TRIM29: variants seen among roughly 807,000 people sequenced by gnomAD.
TRIM29 encodes the protein tripartite motif-containing protein 29.
Under a neutral mutation model 57.3 loss-of-function variants are expected in TRIM29, and 52 were observed. That is an observed-to-expected ratio of 0.91 (90% CI 0.73 to 1.14). The LOEUF (loss-of-function observed/expected upper bound fraction) is 1.14, where lower values mean the gene tolerates loss of function less well. TRIM29 is among the 50% of genes most tolerant of loss of function. TRIM29 has a pLI of 0.00. For synonymous variants in TRIM29, 319 were observed against 316.9 expected, an observed-to-expected ratio of 1.01 and a Z score of -0.07; for missense variants, 753 against 774.6, an observed-to-expected ratio of 0.97 and a Z score of 0.33.
At chr11:120,124,059 A>G (rs887579303) in intron 4 of TRIM29, 15 of 156,162 alleles carry the variant, frequency 9.6e-5, no homozygotes, top group Non-Finnish European at 1.7e-4. Flanking sequence ...AGCCACACGA[A>G]AAAACAACAC....
chr11:120,117,463 T>C, intron 7 of TRIM29: 1 of 154,834 alleles, frequency 6.5e-6, no homozygotes, highest in Admixed American at 6.3e-5. Context: ...GCATAGCCCC[T>C]TTCCCTCTCC....
rs1202021345 is a variant in TRIM29, at chr11:120,112,465, C to T, written c.1716G>A (p.Arg572=). 1 of 1,613,490 alleles carries T rather than the reference C, an allele frequency of 6.2e-7. No homozygotes were observed. Among genetic ancestry groups the T allele is most frequent in the Non-Finnish European group, 8.5e-7 (1 of 1,179,768 alleles). The change falls in exon 9 of 9, where the codon CGG becomes CGA. Residue 572 remains arginine (R), a synonymous_variant. Transcript: ENST00000341846. ...CGTTGCCTTTGTTGACGTAGAATGG[C>T]CGGTAGTGAGACTGTGGGGGAAACA... The part of the protein sequence containing the change: ...SGKQTMLSHY[R]PFYVNKGNGI...
At chr11:120,118,071 G>C in intron 7 of TRIM29, 152 bp downstream of exon 7, 1 of 709,378 alleles carries the variant, frequency 1.4e-6, no homozygotes, top group South Asian at 1.7e-5. Flanking sequence ...TTTCAGCAAA[G>C]ACCATGGCGG....
chr11:120,115,277 GC>G, intron 8 of TRIM29, 60 bp downstream of exon 8: 1 of 1,539,600 alleles, frequency 6.5e-7, no homozygotes. Context: ...CCTCCAGGGA[GC>G]CCCCTTCAGT....
intron 3 of TRIM29, 106 bp downstream of exon 3, chr11:120,127,230 C>G (rs527302075): frequency 1.1e-6 from 1 of 935,930 alleles, no homozygotes; most frequent in Non-Finnish European, 1.6e-6. Flanking sequence ...AACAGATAGA[C>G]GAATAGGTGG....
intron 1 of TRIM29, among the ~76,000 whole-genome samples, chr11:120,129,975 T>C (rs1363125132): frequency 6.6e-6 from 1 of 152,032 alleles, no homozygotes; most frequent in Non-Finnish European, 1.5e-5. Context: ...AGGATGGAGA[T>C]TTGGCCCCAT....
chr11:120,122,990 T>A lies in TRIM29; in HGVS notation c.1399A>T (p.Thr467Ser). Residue 467 changes from threonine (T) to serine (S), a missense_variant, in exon 5 of 9, where the codon ACC becomes TCC. Thr to Ser is a moderately conservative substitution (Grantham distance 58, BLOSUM62 1). Transcript: ENST00000341846. ...SFGGEWSAPDTMKRYSMYLTP... is the reference protein window; with the variant it reads ...SFGGEWSAPDSMKRYSMYLTP... ...AGGTACATGGAGTATCTCTTCATGG[T>A]GTCCGGTGCACTCCACTCACCCCCG... 6.2e-7 allele frequency: 1 copy of A among 1,614,056 alleles called. No homozygotes were observed. The highest frequency in any genetic ancestry group is 1.1e-5 in the South Asian group (1 of 91,070).
intron 8 of TRIM29, among the ~76,000 whole-genome samples, chr11:120,115,071 A>C (rs1188132188): frequency 1.3e-5 from 2 of 152,222 alleles, no homozygotes; most frequent in African/African-American, 4.8e-5. Context: ...GCATTTGCCA[A>C]ATAAAAAAAT....
At chr11:120,115,235 AG>A in intron 8 of TRIM29, 102 bp downstream of exon 8, 1 of 1,140,210 alleles carries the variant, frequency 8.8e-7, no homozygotes, top group Non-Finnish European at 1.3e-6. Context: ...CATGGCCCAG[AG>A]AAGTCCTCCC....
chr11:120,128,552 G>C (rs1241454364), intron 1 of TRIM29, 57 bp from the exon 2 acceptor site: 1 of 1,564,882 alleles, frequency 6.4e-7, no homozygotes, highest in Non-Finnish European at 8.7e-7. Context: ...AAGAGAACCA[G>C]AGAACCAGGG....
intron 4 of TRIM29, chr11:120,123,680 C>A (rs1863516335): frequency 2.8e-6 from 1 of 351,128 alleles, no homozygotes; most frequent in East Asian, 7.5e-5. Flanking sequence ...CCCTCAGCCA[C>A]CTCCACCCCA....
chr11:120,113,507 G>A, intron 8 of TRIM29: 4 of 408,418 alleles, frequency 9.8e-6, no homozygotes, highest in South Asian at 7.1e-5. Flanking sequence ...TCCCAATACA[G>A]GAGACATCAT....
chr11:120,125,664 G>A (rs1013225358), intron 4 of TRIM29, 27 bp downstream of exon 4: 2 of 1,612,882 alleles, frequency 1.2e-6, no homozygotes, highest in African/African-American at 2.7e-5. Context: ...CTATGGCCTT[G>A]GGGCCCAGCC....
intron 4 of TRIM29, 137 bp downstream of exon 4, chr11:120,125,554 G>C: frequency 1.1e-6 from 1 of 884,342 alleles, no homozygotes; most frequent in South Asian, 1.7e-5. Context: ...TAGTCCAAAC[G>C]GCCTGAGGAA....
chr11:120,119,482 G>T (rs901622990), intron 6 of TRIM29, among the ~76,000 whole-genome samples: 2 of 152,186 alleles, frequency 1.3e-5, no homozygotes, highest in Admixed American at 6.5e-5. Flanking sequence ...CCAGGGTTCC[G>T]CGAGGCCAGA....
rs909769184 is a variant in TRIM29, at chr11:120,120,881, A to G, written c.1436-216T>C. The G allele has an allele frequency of 6.1e-6, 4 of 656,668 alleles. No individual in the cohort carries two copies. The African/African-American group carries it at 7.1e-5, about 12-fold the overall frequency. The allele number at this position is 656,668 out of a possible 1,614,324, so 40.7% of individuals were successfully genotyped here. On this transcript the variant is annotated intron_variant, in intron 5 of 8. Transcript: ENST00000341846. ...TGTTAGTAACCGTGCAGAGAGCATCAGCATAAACTTGGAGAGGCCATGGCA... is the reference window on the plus strand; with the variant it reads ...TGTTAGTAACCGTGCAGAGAGCATCGGCATAAACTTGGAGAGGCCATGGCA...
chr11:120,133,990 A>G (rs1408419208), intron 1 of TRIM29, among the ~76,000 whole-genome samples: 1 of 152,104 alleles, frequency 6.6e-6, no homozygotes, highest in Non-Finnish European at 1.5e-5. Context: ...GGAGGTCTTA[A>G]CATCCTGGCC....
rs61900471 is a variant in TRIM29, at chr11:120,133,899, C to T, written c.804+3329G>A. Among the ~76,000 whole-genome samples the T allele has an allele frequency of 5.7e-3, 870 of 152,274 alleles. 3 individuals carry two copies. The highest frequency in any genetic ancestry group is 8.5e-3 in the Non-Finnish European group (575 of 68,014). On this transcript the variant is annotated intron_variant, in intron 1 of 8. Coordinates refer to ENST00000341846, the MANE Select transcript of TRIM29 (RefSeq NM_012101.4). ...CTCCTAGCTGAGTGACCTCCACACA[C>T]GCCTCGTCATGCTGCCACCCCAGAG...
intron 1 of TRIM29, among the ~76,000 whole-genome samples, chr11:120,134,676 C>T (rs1863784010): frequency 6.6e-6 from 1 of 152,212 alleles, no homozygotes; most frequent in Non-Finnish European, 1.5e-5. Flanking sequence ...AAGCTCCCAC[C>T]ATCACAGTCA....
Sources: gnomAD v4.1 joint callset for allele counts (sites outside exome capture counted in the v4.1 genomes callset) on GRCh38, gnomAD v4.1.1 for gene constraint, MANE v1.5 for transcripts, NCBI Gene and HGNC (gene_info 2026-07-23, HGNC 2026-07-21) for gene names.